MEIKIN: variants seen among roughly 807,000 people sequenced by gnomAD.
The protein encoded by MEIKIN is meiosis-specific kinetochore protein.
At chr5:131,856,549 G>C (rs1210009262) in intron 9 of MEIKIN, among the ~76,000 whole-genome samples, 3 of 152,138 alleles carry the variant, frequency 2.0e-5, no homozygotes, top group Non-Finnish European at 4.4e-5. Flanking sequence ...CCATTGTTGA[G>C]AGCTTCTGTC....
chr5:131,819,365 G>GC (rs1248303295), intron 11 of MEIKIN, among the ~76,000 whole-genome samples: 1 of 147,912 alleles, frequency 6.8e-6, no homozygotes. Flanking sequence ...ACCCTGGGAG[G>GC]CCAATGCAGG....
chr5:131,892,809 A>G (rs1419600231), intron 8 of MEIKIN, among the ~76,000 whole-genome samples: 1 of 152,058 alleles, frequency 6.6e-6, no homozygotes, highest in East Asian at 1.9e-4. Context: ...TAGAGTTTCC[A>G]GTTTTTCTGC....
intron 10 of MEIKIN, among the ~76,000 whole-genome samples, chr5:131,853,125 T>G (rs982232341): frequency 6.6e-6 from 1 of 152,162 alleles, no homozygotes; most frequent in Non-Finnish European, 1.5e-5. Flanking sequence ...TAGGTAACAT[T>G]GCTTATGGTA....
intron 9 of MEIKIN, among the ~76,000 whole-genome samples, chr5:131,869,521 C>A (rs911107480): frequency 6.6e-6 from 1 of 152,194 alleles, no homozygotes; most frequent in Non-Finnish European, 1.5e-5. Context: ...GTTCCCCCAG[C>A]AGGTTAGGTT....
At chr5:131,842,595 G>A (rs1362789181) in intron 11 of MEIKIN, among the ~76,000 whole-genome samples, 1 of 149,950 alleles carries the variant, frequency 6.7e-6, no homozygotes, top group Non-Finnish European at 1.5e-5. Flanking sequence ...ATTGTGATTT[G>A]TTGATTTTTT....
At chr5:131,911,776 C>T in intron 8 of MEIKIN, 39 bp downstream of exon 8, 1 of 396,170 alleles carries the variant, frequency 2.5e-6, no homozygotes, top group Non-Finnish European at 4.5e-6. Context: ...ATAAATATTA[C>T]AATTACTACA....
At chr5:131,837,309 G>A (rs1749826251) in intron 11 of MEIKIN, among the ~76,000 whole-genome samples, 1 of 152,074 alleles carries the variant, frequency 6.6e-6, no homozygotes, top group African/African-American at 2.4e-5. Flanking sequence ...TTCCCCCTTT[G>A]TTCTTCTTGC....
At chr5:131,928,598 G>C (rs1053118507) in intron 5 of MEIKIN, among the ~76,000 whole-genome samples, 5 of 152,046 alleles carry the variant, frequency 3.3e-5, no homozygotes, top group Non-Finnish European at 1.5e-5. Flanking sequence ...AACATCTTCA[G>C]TTAGTTTTTA....
At chr5:131,876,469 T>C (rs1332804990) in intron 9 of MEIKIN, among the ~76,000 whole-genome samples, 8 of 148,190 alleles carry the variant, frequency 5.4e-5, no homozygotes, top group Non-Finnish European at 9.0e-5. Flanking sequence ...CCAGTTAGAA[T>C]GGCGATCATT....
chr5:131,815,977 T>A (rs1442887453), intron 12 of MEIKIN, among the ~76,000 whole-genome samples: 2 of 152,238 alleles, frequency 1.3e-5, no homozygotes, highest in Non-Finnish European at 2.9e-5. Context: ...CTCTCTCTTA[T>A]CCCTTTATCA....
At chr5:131,893,481 C>A (rs1750975872) in intron 8 of MEIKIN, among the ~76,000 whole-genome samples, 1 of 152,202 alleles carries the variant, frequency 6.6e-6, no homozygotes, top group Admixed American at 6.5e-5. Flanking sequence ...ATTCCAGGTG[C>A]CATCTGTCAC....
intron 5 of MEIKIN, among the ~76,000 whole-genome samples, chr5:131,932,338 T>C (rs1223732782): frequency 6.6e-6 from 1 of 152,200 alleles, no homozygotes; most frequent in Non-Finnish European, 1.5e-5. Context: ...TTGGCTCAGG[T>C]AACTCAGATT....
intron 9 of MEIKIN, among the ~76,000 whole-genome samples, chr5:131,871,717 C>A (rs1580882373): frequency 6.6e-6 from 1 of 152,196 alleles, no homozygotes; most frequent in Admixed American, 6.5e-5. Flanking sequence ...GGGTCCCTGA[C>A]CTCCGAGTAG....
chr5:131,858,417 T>C (rs913416396), intron 9 of MEIKIN, among the ~76,000 whole-genome samples: 5 of 152,166 alleles, frequency 3.3e-5, no homozygotes, highest in African/African-American at 1.2e-4. Flanking sequence ...TCCTTCCTTA[T>C]ACCATATACA....
At chr5:131,923,639 C>G (rs940956402) in intron 5 of MEIKIN, among the ~76,000 whole-genome samples, 1 of 151,482 alleles carries the variant, frequency 6.6e-6, no homozygotes. Context: ...AGAACAGCCT[C>G]TTCTTCATAG....
intron 7 of MEIKIN, among the ~76,000 whole-genome samples, chr5:131,912,977 G>C (rs1252154444): frequency 6.6e-6 from 1 of 152,174 alleles, no homozygotes; most frequent in Non-Finnish European, 1.5e-5. Context: ...TTATAGGAAA[G>C]GAGTTTTAGA....
Position 131,873,006 on chromosome 5 carries a change from C to A in MEIKIN, c.774+5972G>T, listed in dbSNP as rs566916069. Among the ~76,000 whole-genome samples the A allele has an allele frequency of 1.0e-3, 156 of 152,262 alleles. 1 individual carries two copies. The highest frequency in any genetic ancestry group is 4.0e-4 in the Non-Finnish European group (27 of 68,020). Reference sequence around the variant, plus strand: ...AAGAGCTCCTGAAGGAAGCACTAAACATGGAAAGGAACAACTGGTACCAGC... The same window carrying A: ...AAGAGCTCCTGAAGGAAGCACTAAAAATGGAAAGGAACAACTGGTACCAGC... On this transcript the variant is annotated intron_variant, in intron 9 of 12. Coordinates refer to ENST00000442687, the MANE Select transcript of MEIKIN (RefSeq NM_001303622.2).
chr5:131,916,202 CCAT>C (rs1751413619), intron 7 of MEIKIN, among the ~76,000 whole-genome samples: 1 of 152,004 alleles, frequency 6.6e-6, no homozygotes, highest in South Asian at 2.1e-4. Flanking sequence ...TTAAGCAAGT[CCAT>C]CATCATCTCT....
At chr5:131,934,682 T>G (rs1203937870) in intron 4 of MEIKIN, among the ~76,000 whole-genome samples, 3 of 152,106 alleles carry the variant, frequency 2.0e-5, no homozygotes, top group Non-Finnish European at 2.9e-5. Flanking sequence ...TATATAACAC[T>G]AAAAAAGATT....
Sources: allele counts gnomAD v4.1 joint callset (sites outside exome capture counted in the v4.1 genomes callset), GRCh38; gene constraint gnomAD v4.1.1; transcripts MANE v1.5; gene names NCBI Gene and HGNC (gene_info 2026-07-23, HGNC 2026-07-21).